Variants in MYO18B observed in about 807,000 individuals in gnomAD.
The protein encoded by MYO18B is myosin XVIIIB, also known as unconventional myosin-XVIIIb.
MYO18B carries 204 observed loss-of-function variants against 273.0 expected under a neutral mutation model. The ratio of observed to expected loss-of-function variants is 0.75; its 90% CI spans 0.67 to 0.84. MYO18B has a LOEUF of 0.84. MYO18B is among the 40% of genes least tolerant of loss of function. MYO18B has a pLI of 0.00. For synonymous variants in MYO18B, 1,330 were observed against 1,305.7 expected, an observed-to-expected ratio of 1.02 and a Z score of -0.40; for missense variants, 3,212 against 3,287.6, an observed-to-expected ratio of 0.98 and a Z score of 0.56.
At position 25,829,984 on chromosome 22, in the gene MYO18B, C is replaced by T. The variant is rs145370878; in HGVS notation, c.2979+1016C>T. On this transcript the variant is annotated intron_variant, in intron 15 of 43. Coordinates refer to ENST00000335473, the MANE Select transcript of MYO18B (RefSeq NM_032608.7). Reference sequence around the variant, plus strand: ...ACCCACGTGAAAATGAGAGTATTTTCAGTTCCCCATATGACTCCCACCTTC... The same window carrying T: ...ACCCACGTGAAAATGAGAGTATTTTTAGTTCCCCATATGACTCCCACCTTC... Among the ~76,000 whole-genome samples the T allele has an allele frequency of 6.8e-3, 1,035 of 152,242 alleles. 15 individuals carry two copies. The highest frequency in any genetic ancestry group is 0.024 in the African/African-American group (981 of 41,530).
chr22:25,949,009 G>A (rs1337826080), intron 36 of MYO18B, among the ~76,000 whole-genome samples: 1 of 152,102 alleles, frequency 6.6e-6, no homozygotes, highest in Non-Finnish European at 1.5e-5. Flanking sequence ...GAGACTGAAA[G>A]GAGACCAGTG....
At chr22:25,945,762 G>C (rs1481190847) in intron 34 of MYO18B, among the ~76,000 whole-genome samples, 1 of 4,720 alleles carries the variant, frequency 2.1e-4, no homozygotes, top group Non-Finnish European at 3.2e-4. Flanking sequence ...CCCTCCCCTC[G>C]CCTCCCCTCC....
chr22:25,980,760 G>C (rs1299287985), intron 39 of MYO18B, among the ~76,000 whole-genome samples: 1 of 152,166 alleles, frequency 6.6e-6, no homozygotes, highest in African/African-American at 2.4e-5. Flanking sequence ...AGAAAGAAAA[G>C]AGCACGTGGT....
In MYO18B at chr22:25,823,611, A is replaced by G. The variant is rs752055956; in HGVS notation, c.2628A>G (p.Arg876=). Residue 876 remains arginine (R), a synonymous_variant, in exon 13 of 44, where the codon CGA becomes CGG. Coordinates refer to ENST00000335473, the MANE Select transcript of MYO18B (RefSeq NM_032608.7). ...CGGCCACCTTCAAGCACCACCTTCG[A>G]CAGATCATCCAGCAAATGACGTTTG... The part of the protein sequence containing the change: ...LNTATFKHHL[R]QIIQQMTFGP... 2 of 1,613,904 alleles carry G rather than the reference A, an allele frequency of 1.2e-6. No individual in the cohort carries two copies. The highest frequency in any genetic ancestry group is 1.3e-5 in the African/African-American group (1 of 75,000).
Position 25,846,071 on chromosome 22 carries a change from T to C in MYO18B, c.3369-29T>C, listed in dbSNP as rs7286596. On this transcript the variant is annotated intron_variant, in intron 18 of 43. Coordinates refer to ENST00000335473, the MANE Select transcript of MYO18B (RefSeq NM_032608.7). The stretch of plus-strand genomic sequence containing the variant: ...GGCTTTCCCAAGAACCTCCTAAAGC[T>C]CCTCTCTCTTTTCCCTCCTCCCCAC... 987 of 1,485,612 alleles carry C rather than the reference T, an allele frequency of 6.6e-4. 5 individuals carry two copies. The African/African-American group carries it at 0.013, about 19-fold the overall frequency. 92.0% of individuals were successfully genotyped at this position (1,485,612 alleles called of 1,614,324 possible).
intron 20 of MYO18B, among the ~76,000 whole-genome samples, chr22:25,848,154 A>G (rs2090315918): frequency 6.6e-6 from 1 of 152,296 alleles, no homozygotes; most frequent in Non-Finnish European, 1.5e-5. Flanking sequence ...GTCTTGCAAC[A>G]GAGGGTGGAA....
At chr22:25,891,984 A>G (rs558782980) in intron 27 of MYO18B, among the ~76,000 whole-genome samples, 32 of 152,364 alleles carry the variant, frequency 2.1e-4, no homozygotes, top group African/African-American at 7.5e-4. Context: ...AGCCTGGGCT[A>G]CAGAGCAAGA....
chr22:25,876,046 A>G (rs9613030), intron 23 of MYO18B, 143 bp from the exon 24 acceptor site: 15,478 of 268,192 alleles, frequency 0.058, 583 homozygotes, highest in East Asian at 0.23. Context: ...GTGTGTGTGT[A>G]TGTGTTTTAA....
intron 17 of MYO18B, among the ~76,000 whole-genome samples, chr22:25,839,848 T>C (rs907761825): frequency 6.6e-6 from 1 of 152,220 alleles, no homozygotes; most frequent in Non-Finnish European, 1.5e-5. Context: ...ACCGCTCAAC[T>C]GCACTGTTGG....
chr22:25,826,922 G>A (rs755607987), intron 14 of MYO18B, among the ~76,000 whole-genome samples: 6 of 152,058 alleles, frequency 3.9e-5, no homozygotes, highest in Non-Finnish European at 7.4e-5. Context: ...TTAGCTGGGC[G>A]TGGTGGTGGG....
chr22:26,048,130 TCA>T, the MYO18B span, among the ~76,000 whole-genome samples: 1 of 152,244 alleles, frequency 6.6e-6, no homozygotes, highest in Non-Finnish European at 1.5e-5. Flanking sequence ...GTGGTCTGCA[TCA>T]CACGTTGTAC....
At chr22:25,957,932 G>C (rs902405162) in intron 39 of MYO18B, among the ~76,000 whole-genome samples, 1 of 55,254 alleles carries the variant, frequency 1.8e-5, no homozygotes, top group African/African-American at 7.2e-5. Context: ...TTTTTTTTTT[G>C]GAAACAGAGT....
intron 12 of MYO18B, among the ~76,000 whole-genome samples, chr22:25,815,326 G>C (rs989092593): frequency 6.6e-6 from 1 of 152,182 alleles, no homozygotes; most frequent in Non-Finnish European, 1.5e-5. Flanking sequence ...GCATAGACTT[G>C]CAGCTGGTCC....
rs770297824 is a variant in MYO18B at position 25,902,750 on chromosome 22, G to A, written c.4947+14G>A. 1.9e-6 allele frequency: 3 copies of A among 1,570,368 alleles called. No individual in the cohort carries two copies. The highest frequency in any genetic ancestry group is 1.7e-6 in the Non-Finnish European group (2 of 1,157,048). On this transcript the variant is annotated intron_variant, in intron 30 of 43. Transcript: ENST00000335473. ...CAGCAGCTGAAGGTAAGGGATGGGGGACACAGAGCTATCTTGGCTCTTGGT... is the reference window on the plus strand; with the variant it reads ...CAGCAGCTGAAGGTAAGGGATGGGGAACACAGAGCTATCTTGGCTCTTGGT...
intron 25 of MYO18B, among the ~76,000 whole-genome samples, chr22:25,886,535 A>G (rs1206698022): frequency 6.6e-6 from 1 of 152,108 alleles, no homozygotes; most frequent in Non-Finnish European, 1.5e-5. Context: ...CTTCCCTTCC[A>G]CTGGGCATCC....
chr22:25,924,336 G>A (rs1420299981), intron 34 of MYO18B, among the ~76,000 whole-genome samples: 1 of 152,208 alleles, frequency 6.6e-6, no homozygotes, highest in Non-Finnish European at 1.5e-5. Context: ...TGCTGAGCAT[G>A]GTGCTGAACA....
chr22:25,791,729 C>T (rs562833746), intron 11 of MYO18B, among the ~76,000 whole-genome samples: 28 of 152,214 alleles, frequency 1.8e-4, no homozygotes, highest in African/African-American at 6.7e-4. Flanking sequence ...TTTTTATGAC[C>T]CAGTTGTCAA....
Position 25,753,144 on chromosome 22 carries a change from CAAGCGCTGATCAGTGCGGG to C in MYO18B, c.-109-7835_-109-7817del, listed in dbSNP as rs540110446. On this transcript the variant is annotated intron_variant, in intron 1 of 43. Transcript: ENST00000335473. ...ACGGCACCGCGTCCCATGGACTGCC[CAAGCGCTGATCAGTGCGGG>C]AAGCTCAGCCCGTGGCCCCAGCGCA... 4.6e-3 allele frequency among the ~76,000 whole-genome samples: 699 copies of C among 152,332 alleles called. 3 individuals are homozygous for C. Among genetic ancestry groups the C allele is most frequent in the African/African-American group, 0.016 (666 of 41,576 alleles).
chr22:25,838,293 G>C (rs949729428), intron 17 of MYO18B, among the ~76,000 whole-genome samples: 4 of 152,038 alleles, frequency 2.6e-5, no homozygotes, highest in African/African-American at 7.2e-5. Flanking sequence ...CCGCCTCCCG[G>C]GTTCAAGCAA....
Sources: gnomAD v4.1 joint callset for allele counts (sites outside exome capture counted in the v4.1 genomes callset) on GRCh38, gnomAD v4.1.1 for gene constraint, MANE v1.5 for transcripts, NCBI Gene and HGNC (gene_info 2026-07-23, HGNC 2026-07-21) for gene names.